The following RTN4RL1 variants were observed in gnomAD, a reference collection of about 807,000 sequenced individuals.
The protein encoded by RTN4RL1 is reticulon-4 receptor-like 1.
A neutral mutation model predicts 25.6 loss-of-function variants in RTN4RL1; 7 were observed. That is an observed-to-expected ratio of 0.27 (90% CI 0.16 to 0.51). The LOEUF is 0.51. RTN4RL1 is among the 20% of genes least tolerant of loss of function. The pLI is 0.97. For synonymous variants in RTN4RL1, 297 were observed against 288.2 expected (o/e 1.03, Z -0.31); for missense variants, 500 against 615.6 (o/e 0.81, Z 1.99).
chr17:2,003,397 CCA>C (rs1458524128), intron 1 of RTN4RL1: 3 of 152,022 alleles, frequency 2.0e-5, no homozygotes, highest in African/African-American at 7.3e-5. Context: ...ATTTGGGTGC[CCA>C]GAGTCCCCCC....
In RTN4RL1 at chr17:2,002,453, T is replaced by G. The variant is rs7220404; in HGVS notation, c.13+22400A>C. ...GACTACAGGCGCCCGCCACCTCGCC[T>G]GGCTAATTTTTTGTATTTTTAGTAC... On this transcript the variant is annotated intron_variant, in intron 1 of 1. Transcript: ENST00000331238. 6.7e-5 allele frequency among the ~76,000 whole-genome samples: 10 copies of G among 148,252 alleles called. No homozygotes were observed. The East Asian group carries it at 2.0e-3, about 29-fold the overall frequency.
At chr17:1,954,629 C>G (rs1915752443) in intron 1 of RTN4RL1, among the ~76,000 whole-genome samples, 2 of 152,078 alleles carry the variant, frequency 1.3e-5, no homozygotes, top group African/African-American at 4.8e-5. Flanking sequence ...CTCAGATGAT[C>G]CACCCGCCTC....
intron 1 of RTN4RL1, among the ~76,000 whole-genome samples, chr17:1,956,145 G>A (rs1414521103): frequency 1.3e-5 from 2 of 152,066 alleles, no homozygotes; most frequent in East Asian, 1.9e-4. Flanking sequence ...GCAGCTCTCA[G>A]GGGGTCTCTA....
intron 1 of RTN4RL1, among the ~76,000 whole-genome samples, chr17:2,001,926 C>CTGGGGGAGGG (rs1307010354): frequency 9.3e-5 from 5 of 54,052 alleles, no homozygotes; most frequent in African/African-American, 2.5e-4. Flanking sequence ...CACTTCAGCC[C>CTGGGGGAGGG]TGGGGGAGGG....
Position 2,012,547 on chromosome 17 carries a change from C to T in RTN4RL1, c.13+12306G>A, listed in dbSNP as rs184199323. Among the ~76,000 whole-genome samples the T allele has an allele frequency of 2.1e-3, 314 of 152,242 alleles. 3 individuals carry two copies. The highest frequency in any genetic ancestry group is 6.8e-3 in the African/African-American group (284 of 41,554). ...AAAAATTCCCCATTTCCTCCTGGTT[C>T]CTGGTACTGTTTCTATTTTTTTCTT... On this transcript the variant is annotated intron_variant, in intron 1 of 1. Coordinates refer to ENST00000331238, the MANE Select transcript of RTN4RL1 (RefSeq NM_178568.4).
chr17:1,995,062 GC>G (rs1396469063), intron 1 of RTN4RL1, among the ~76,000 whole-genome samples: 2 of 152,156 alleles, frequency 1.3e-5, no homozygotes, highest in Non-Finnish European at 2.9e-5. Flanking sequence ...CATGCTCAGA[GC>G]CCACAGTGAT....
intron 1 of RTN4RL1, among the ~76,000 whole-genome samples, chr17:1,952,792 G>C (rs1019622812): frequency 1.3e-5 from 2 of 151,768 alleles, no homozygotes; most frequent in African/African-American, 4.8e-5. Context: ...CTACTTCACT[G>C]TCTGGGGTTG....
At chr17:1,962,555 T>C (rs951324907) in intron 1 of RTN4RL1, among the ~76,000 whole-genome samples, 1 of 151,824 alleles carries the variant, frequency 6.6e-6, no homozygotes, top group African/African-American at 2.4e-5. Context: ...AAAATCATCT[T>C]GTAACCACCT....
chr17:1,936,835 G>A lies in RTN4RL1; in HGVS notation c.987C>T (p.His329=), dbSNP rs751599612. 1.9e-6 allele frequency: 3 copies of A among 1,586,430 alleles called. No individual in the cohort carries two copies. The highest frequency in any genetic ancestry group is 1.2e-5 in the South Asian group (1 of 86,678). The change falls in exon 2 of 2, where the codon CAC becomes CAT. Residue 329 remains histidine (H), a synonymous_variant. Coordinates refer to ENST00000331238, the MANE Select transcript of RTN4RL1 (RefSeq NM_178568.4). ...TTTDRAARKE[H]HSPHGPTRSK... ...TCCTGGTGGGGCCGTGGGGTGAGTGGTGTTCCTTGCGGGCGGCCCTGTCGG... is the reference window on the plus strand; with the variant it reads ...TCCTGGTGGGGCCGTGGGGTGAGTGATGTTCCTTGCGGGCGGCCCTGTCGG...
chr17:1,937,605 G>A lies in RTN4RL1; in HGVS notation c.217C>T (p.His73Tyr), dbSNP rs368720546. The A allele has an allele frequency of 1.8e-4, 284 of 1,613,850 alleles. No homozygotes were observed. The highest frequency in any genetic ancestry group is 2.4e-4 in the Non-Finnish European group (278 of 1,179,858). Residue 73 changes from histidine to tyrosine, a missense_variant, in exon 2 of 2, where the codon CAC becomes TAC. Around this residue, in one of 2 missense-constraint regions of RTN4RL1, gnomAD observed 232 missense variants for 341.1 expected, o/e 0.68. Transcript: ENST00000331238. ...NNRIGLLQPG[H>Y]FSPAMVTLWI... ...AGGGTGACCATGGCGGGGCTGAAGT[G>A]GCCGGGCTGGAGGAGGCCGATGCGG...
chr17:1,970,002 A>G (rs1029995420), intron 1 of RTN4RL1, among the ~76,000 whole-genome samples: 1 of 126,738 alleles, frequency 7.9e-6, no homozygotes, highest in African/African-American at 2.9e-5. Flanking sequence ...TGGCCTCAGG[A>G]TTTCTGCTCT....
chr17:1,971,262 C>T (rs2066817436), intron 1 of RTN4RL1, among the ~76,000 whole-genome samples: 2 of 152,202 alleles, frequency 1.3e-5, no homozygotes, highest in African/African-American at 4.8e-5. Flanking sequence ...GCTCTCTCTC[C>T]TGTCGCCTTG....
intron 1 of RTN4RL1, chr17:2,019,691 C>T (rs2067175027): frequency 6.6e-6 from 1 of 152,242 alleles, no homozygotes; most frequent in Admixed American, 6.5e-5. Context: ...ATGTAACCGC[C>T]CAGAGGGCTC....
At chr17:2,008,483 G>A (rs2067017772) in intron 1 of RTN4RL1, among the ~76,000 whole-genome samples, 1 of 152,132 alleles carries the variant, frequency 6.6e-6, no homozygotes, top group South Asian at 2.1e-4. Context: ...GGAGGGGTGA[G>A]CTTTCCCACA....
At chr17:1,957,054 T>A (rs1336166110) in intron 1 of RTN4RL1, among the ~76,000 whole-genome samples, 1 of 152,250 alleles carries the variant, frequency 6.6e-6, no homozygotes, top group Non-Finnish European at 1.5e-5. Flanking sequence ...ACTTTTGATG[T>A]ATTACCACAT....
At chr17:1,995,314 T>A (rs1179402602) in intron 1 of RTN4RL1, among the ~76,000 whole-genome samples, 2 of 151,774 alleles carry the variant, frequency 1.3e-5, no homozygotes, top group African/African-American at 4.8e-5. Context: ...TAACCCCAGC[T>A]ACTCGGGAAG....
chr17:1,990,242 C>T (rs553202330), intron 1 of RTN4RL1, among the ~76,000 whole-genome samples: 1 of 152,054 alleles, frequency 6.6e-6, no homozygotes, highest in South Asian at 2.1e-4. Flanking sequence ...ACCTGTAATC[C>T]CAGCTACTTG....
intron 1 of RTN4RL1, among the ~76,000 whole-genome samples, chr17:1,941,853 A>G (rs2151304892): frequency 6.6e-6 from 1 of 152,156 alleles, no homozygotes; most frequent in East Asian, 1.9e-4. Flanking sequence ...CCAGTCTTGG[A>G]CGGTCCCCCT....
intron 1 of RTN4RL1, among the ~76,000 whole-genome samples, chr17:1,977,219 C>G (rs764251381): frequency 1.3e-5 from 2 of 152,184 alleles, no homozygotes; most frequent in Non-Finnish European, 1.5e-5. Flanking sequence ...TGTGCACAGA[C>G]GGGCGAGACG....
Sources: allele counts gnomAD v4.1 joint callset (sites outside exome capture counted in the v4.1 genomes callset), GRCh38; gene constraint gnomAD v4.1.1; regional missense constraint gnomAD v4.1.1; transcripts MANE v1.5; gene names NCBI Gene and HGNC (gene_info 2026-07-23, HGNC 2026-07-21).